The following RBFOX1 variants were observed in gnomAD, a reference collection of about 807,000 sequenced individuals.
RBFOX1 encodes RNA binding protein fox-1 homolog 1.
Under a neutral mutation model 57.7 loss-of-function variants are expected in RBFOX1, and 8 were observed. That is an observed-to-expected ratio of 0.14 (90% CI 0.08 to 0.25). RBFOX1 has a LOEUF of 0.25. Among genes scored for constraint, RBFOX1 ranks in the 10% least tolerant of loss-of-function variants. RBFOX1 has a pLI of 1.00. For missense variants in RBFOX1, 611 were observed against 548.5 expected (o/e 1.11, Z -1.14); for synonymous variants, 326 against 222.4 (o/e 1.47, Z -4.15).
intron 2 of RBFOX1, among the ~76,000 whole-genome samples, chr16:6,321,620 G>C (rs1236542735): frequency 6.6e-6 from 1 of 152,118 alleles, no homozygotes; most frequent in African/African-American, 2.4e-5. Flanking sequence ...TTATTTCCAT[G>C]GCATCTACTG....
At chr16:7,510,679 T>A (rs1336249534) in intron 4 of RBFOX1, among the ~76,000 whole-genome samples, 3 of 152,240 alleles carry the variant, frequency 2.0e-5, no homozygotes, top group African/African-American at 7.2e-5. Context: ...AGGGTTTCTC[T>A]GAATATGCGC....
intron 2 of RBFOX1, among the ~76,000 whole-genome samples, chr16:5,469,460 C>G (rs1019857153): frequency 6.6e-6 from 1 of 152,202 alleles, no homozygotes; most frequent in Non-Finnish European, 1.5e-5. Flanking sequence ...TCTGTCTACG[C>G]TGCCTGAGTG....
At chr16:6,500,478 A>G (rs1388524092) in intron 2 of RBFOX1, among the ~76,000 whole-genome samples, 1 of 152,164 alleles carries the variant, frequency 6.6e-6, no homozygotes, top group Non-Finnish European at 1.5e-5. Flanking sequence ...GTACTTGGCC[A>G]AGGGTGAGAA....
intron 1 of RBFOX1, among the ~76,000 whole-genome samples, chr16:6,101,048 C>G (rs1246049368): frequency 6.6e-6 from 1 of 152,286 alleles, no homozygotes; most frequent in South Asian, 2.1e-4. Context: ...ACCCCAAGTC[C>G]ACCACTAGCT....
At chr16:6,799,835 G>T (rs1325515537) in intron 3 of RBFOX1, among the ~76,000 whole-genome samples, 1 of 152,230 alleles carries the variant, frequency 6.6e-6, no homozygotes, top group Non-Finnish European at 1.5e-5. Context: ...CAGACTGAAG[G>T]CTGCGCTGTC....
At chr16:7,543,462 C>T (rs938968585) in intron 5 of RBFOX1, among the ~76,000 whole-genome samples, 1 of 152,182 alleles carries the variant, frequency 6.6e-6, no homozygotes, top group African/African-American at 2.4e-5. Flanking sequence ...CTTGTAACAC[C>T]TGAATTGGAA....
At chr16:6,741,921 T>C (rs936252735) in intron 3 of RBFOX1, among the ~76,000 whole-genome samples, 11 of 152,160 alleles carry the variant, frequency 7.2e-5, no homozygotes, top group African/African-American at 2.4e-5. Flanking sequence ...TTGTACAACA[T>C]AGTGATAGAC....
intron 3 of RBFOX1, among the ~76,000 whole-genome samples, chr16:5,790,101 C>T (rs2054639124): frequency 6.6e-6 from 1 of 152,214 alleles, no homozygotes; most frequent in South Asian, 2.1e-4. Context: ...GCAGGCCTTC[C>T]TCCATCTTCA....
chr16:6,743,433 T>G (rs2072783797), intron 3 of RBFOX1, among the ~76,000 whole-genome samples: 1 of 152,144 alleles, frequency 6.6e-6, no homozygotes, highest in Non-Finnish European at 1.5e-5. Context: ...AAGCACATTT[T>G]AAATATAAAG....
Position 6,065,194 on chromosome 16 carries a change from ATT to A in RBFOX1, c.-127+45220_-127+45221del, listed in dbSNP as rs71404575. On this transcript the variant is annotated intron_variant, in intron 1 of 15. Transcript: ENST00000550418. ...AGGTGTGTGCCACCATCACCGGCTAATTTTTTTTTTTTTTTTTTTCTGTAGAG... is the reference window on the plus strand; with the variant it reads ...AGGTGTGTGCCACCATCACCGGCTAATTTTTTTTTTTTTTTTTCTGTAGAG... Among the ~76,000 whole-genome samples, 241 of 128,164 alleles carry A rather than the reference ATT, an allele frequency of 1.9e-3. 1 individual carries two copies. The highest frequency in any genetic ancestry group is 2.5e-3 in the Non-Finnish European group (155 of 61,128). 84.1% of individuals were successfully genotyped at this position (128,164 alleles called of 152,430 possible). A position where few individuals can be genotyped will look rare whatever the true frequency, so the allele number is the denominator to read the frequency against.
chr16:5,846,302 G>A (rs2082955), intron 3 of RBFOX1, among the ~76,000 whole-genome samples: 35,407 of 151,954 alleles, frequency 0.23, 4,929 homozygotes, highest in African/African-American at 0.38. Flanking sequence ...AAAAGGAGGA[G>A]GAGAAGAGGG....
intron 10 of RBFOX1, among the ~76,000 whole-genome samples, chr16:7,608,883 A>G (rs1356534942): frequency 1.3e-5 from 2 of 152,230 alleles, no homozygotes; most frequent in African/African-American, 2.4e-5. Context: ...AATTTTGAGT[A>G]TGCTATGAGA....
chr16:5,681,525 A>G (rs968950735), intron 3 of RBFOX1, among the ~76,000 whole-genome samples: 1 of 150,456 alleles, frequency 6.6e-6, no homozygotes, highest in African/African-American at 2.5e-5. Context: ...AGTAGCTGGG[A>G]TTACAGGCAC....
At chr16:5,588,973 C>G (rs972894074) in intron 2 of RBFOX1, among the ~76,000 whole-genome samples, 2 of 152,118 alleles carry the variant, frequency 1.3e-5, no homozygotes, top group Non-Finnish European at 2.9e-5. Flanking sequence ...TTGGGGCTGC[C>G]TAGATGTCAT....
chr16:5,839,602 A>G (rs1160233781), intron 3 of RBFOX1, among the ~76,000 whole-genome samples: 1 of 152,192 alleles, frequency 6.6e-6, no homozygotes, highest in Non-Finnish European at 1.5e-5. Flanking sequence ...AACTTACTCA[A>G]AAAGAATACT....
At chr16:7,170,032 C>T (rs545715719) in intron 4 of RBFOX1, among the ~76,000 whole-genome samples, 1 of 152,040 alleles carries the variant, frequency 6.6e-6, no homozygotes, top group African/African-American at 2.4e-5. Flanking sequence ...CAAGATTGTG[C>T]CAATGCACTC....
At chr16:6,774,626 A>C (rs746346370) in intron 3 of RBFOX1, among the ~76,000 whole-genome samples, 2 of 152,190 alleles carry the variant, frequency 1.3e-5, no homozygotes, top group Admixed American at 6.5e-5. Context: ...TATAGGAATT[A>C]ATTGTATGAG....
At chr16:5,840,738 C>G (rs1279807036) in intron 3 of RBFOX1, among the ~76,000 whole-genome samples, 2 of 152,164 alleles carry the variant, frequency 1.3e-5, no homozygotes, top group South Asian at 2.1e-4. Flanking sequence ...TCACAGCACA[C>G]TGGCTTTAGC....
intron 4 of RBFOX1, among the ~76,000 whole-genome samples, chr16:5,897,314 C>T (rs1597689547): frequency 6.6e-6 from 1 of 152,066 alleles, no homozygotes; most frequent in African/African-American, 2.4e-5. Context: ...GGATTACAGG[C>T]GTGAGCCACC....
Sources: gnomAD v4.1 joint callset for allele counts (sites outside exome capture counted in the v4.1 genomes callset) on GRCh38, gnomAD v4.1.1 for gene constraint, MANE v1.5 for transcripts, NCBI Gene and HGNC (gene_info 2026-07-23, HGNC 2026-07-21) for gene names.